The following KIAA1217 variants were observed in gnomAD, a reference collection of about 807,000 sequenced individuals.
The protein encoded by KIAA1217 is KIAA1217.
Under a neutral mutation model 163.9 loss-of-function variants are expected in KIAA1217, and 88 were observed. The ratio of observed to expected loss-of-function variants is 0.54; its 90% confidence interval spans 0.45 to 0.64. The LOEUF is 0.64. Ranked by LOEUF, KIAA1217 falls within the 30% of genes least tolerant of loss-of-function variation. KIAA1217 has a pLI of 0.00. For synonymous variants in KIAA1217, 903 were observed against 923.1 expected (o/e 0.98, Z 0.39); for missense variants, 2,372 against 2,475.0 (o/e 0.96, Z 0.88).
At chr10:24,194,843 A>G (rs1169913885) in intron 2 of KIAA1217, among the ~76,000 whole-genome samples, 1 of 150,244 alleles carries the variant, frequency 6.7e-6, no homozygotes, top group Non-Finnish European at 1.5e-5. Context: ...CCTGACCTCA[A>G]GTGATCCTCC....
Position 24,042,661 on chromosome 10 carries a change from CAAT to C in KIAA1217, c.-171+35291_-171+35293del, listed in dbSNP as rs1320841674. On this transcript the variant is annotated intron_variant, in intron 2 of 18. Transcript: ENST00000376462. The stretch of plus-strand genomic sequence containing the variant: ...CCTGGAGTGTGTTGCTAAAAATAAC[CAAT>C]AATTATTAGGAAGATGGAGGTGATA... Among the ~76,000 whole-genome samples the C allele has an allele frequency of 9.9e-5, 15 of 152,144 alleles. No homozygotes were observed. In the South Asian group the frequency reaches 2.9e-3, roughly 29 times the overall value.
At chr10:24,225,017 G>A (rs999885767) in intron 2 of KIAA1217, among the ~76,000 whole-genome samples, 6 of 151,890 alleles carry the variant, frequency 4.0e-5, no homozygotes, top group Non-Finnish European at 5.9e-5. Flanking sequence ...TAGTAGAGAC[G>A]GGGTTCACTG....
chr10:23,882,855 A>C (rs1841009973), intron 1 of KIAA1217, among the ~76,000 whole-genome samples: 1 of 151,970 alleles, frequency 6.6e-6, no homozygotes, highest in Non-Finnish European at 1.5e-5. Context: ...GGGTTAAAAA[A>C]TGGAAAATGT....
intron 2 of KIAA1217, among the ~76,000 whole-genome samples, chr10:24,261,690 G>C (rs1236906866): frequency 6.6e-6 from 1 of 151,956 alleles, no homozygotes; most frequent in African/African-American, 2.4e-5. Flanking sequence ...TCCTCTTGTC[G>C]GGGAAAAAAG....
At chr10:23,829,573 G>A (rs903634956) in intron 1 of KIAA1217, among the ~76,000 whole-genome samples, 1 of 152,058 alleles carries the variant, frequency 6.6e-6, no homozygotes, top group African/African-American at 2.4e-5. Context: ...ATAATTTTTT[G>A]CATGACTCAC....
intron 1 of KIAA1217, among the ~76,000 whole-genome samples, chr10:23,822,706 A>G (rs1256372270): frequency 6.6e-6 from 1 of 152,186 alleles, no homozygotes; most frequent in Admixed American, 6.5e-5. Context: ...GCTTAAAGAA[A>G]CAAAATGCTT....
At chr10:24,333,347 A>G (rs1019539848) in intron 2 of KIAA1217, among the ~76,000 whole-genome samples, 1 of 152,122 alleles carries the variant, frequency 6.6e-6, no homozygotes, top group African/African-American at 2.4e-5. Context: ...GGTAAGGATT[A>G]TGATGATGAA....
intron 1 of KIAA1217, among the ~76,000 whole-genome samples, chr10:23,939,068 A>T (rs1843651038): frequency 6.6e-6 from 1 of 152,230 alleles, no homozygotes; most frequent in Non-Finnish European, 1.5e-5. Flanking sequence ...AGGTTGTGCT[A>T]AGTTAAATAC....
chr10:24,334,369 G>A (rs1043740945), intron 2 of KIAA1217, among the ~76,000 whole-genome samples: 1 of 150,868 alleles, frequency 6.6e-6, no homozygotes, highest in African/African-American at 2.4e-5. Context: ...GTGAGACCCT[G>A]TGTCTTAGAA....
intron 1 of KIAA1217, among the ~76,000 whole-genome samples, chr10:23,945,317 C>A (rs1158744925): frequency 6.6e-6 from 1 of 152,094 alleles, no homozygotes; most frequent in Admixed American, 6.6e-5. Flanking sequence ...AATATTGATA[C>A]CTGCAACCAC....
At chr10:23,907,886 GA>G (rs1294948356) in intron 1 of KIAA1217, among the ~76,000 whole-genome samples, 1 of 151,172 alleles carries the variant, frequency 6.6e-6, no homozygotes, top group African/African-American at 2.4e-5. Context: ...CAATGAACAA[GA>G]AAAAACTCTC....
chr10:23,794,981 G>C (rs1272744776), intron 1 of KIAA1217, among the ~76,000 whole-genome samples: 1 of 152,172 alleles, frequency 6.6e-6, no homozygotes, highest in African/African-American at 2.4e-5. Flanking sequence ...CTTTGTAGGA[G>C]AGCTGGGAAG....
At chr10:24,062,935 C>T (rs963778781) in intron 2 of KIAA1217, among the ~76,000 whole-genome samples, 3 of 151,556 alleles carry the variant, frequency 2.0e-5, no homozygotes, top group Admixed American at 6.6e-5. Flanking sequence ...GCATAAATAT[C>T]TTCTTTTGAG....
chr10:24,544,279 A>C lies in KIAA1217; in HGVS notation c.5009A>C (p.Glu1670Ala). ...KNTYRTLDSL[E>A]QTIKQLENTI... ...ACCTACAGAACATTGGATAGCCTGG[A>C]GCAGACCATTAAACAGCTCGAAAAT... Residue 1670 changes from glutamate to alanine, a missense_variant, in exon 19 of 21, where the codon GAG (glutamate) becomes GCG (alanine). Around this residue, in one of 3 missense-constraint regions of KIAA1217, gnomAD observed 690 missense variants for 677.5 expected, o/e 1.02. Transcript: ENST00000376454. The C allele has an allele frequency of 1.2e-6, 2 of 1,614,172 alleles. No homozygotes were observed. The highest frequency in any genetic ancestry group is 8.5e-7 in the Non-Finnish European group (1 of 1,180,050).
intron 3 of KIAA1217, among the ~76,000 whole-genome samples, chr10:24,407,454 C>T (rs1257757773): frequency 6.6e-6 from 1 of 152,068 alleles, no homozygotes; most frequent in African/African-American, 2.4e-5. Flanking sequence ...CCATCAAGCT[C>T]AACTGATTTT....
In KIAA1217 at chr10:24,085,015, G is replaced by A. The variant is rs540232906; in HGVS notation, c.-171+77641G>A. ...TGCAAGCTCTGCCTCCCGGGTTCAC[G>A]CCATTCTCCTGCCTCAGCCTCCAGA... On this transcript the variant is annotated intron_variant, in intron 2 of 18. Transcript: ENST00000376462. 3.5e-3 allele frequency among the ~76,000 whole-genome samples: 524 copies of A among 148,428 alleles called. 5 individuals are homozygous for A. Among genetic ancestry groups the A allele is most frequent in the African/African-American group, 0.013 (507 of 40,094 alleles).
intron 2 of KIAA1217, among the ~76,000 whole-genome samples, chr10:24,358,998 A>T (rs2134174970): frequency 6.6e-6 from 1 of 152,178 alleles, no homozygotes; most frequent in East Asian, 1.9e-4. Flanking sequence ...GAATGAGATC[A>T]CAGTCGTCCT....
chr10:24,441,558 A>T (rs1380989241), intron 5 of KIAA1217, among the ~76,000 whole-genome samples: 1 of 152,070 alleles, frequency 6.6e-6, no homozygotes, highest in African/African-American at 2.4e-5. Flanking sequence ...GGTGGGGAAA[A>T]CGTGTACTAA....
At chr10:24,197,841 C>T (rs1187768820) in intron 2 of KIAA1217, among the ~76,000 whole-genome samples, 1 of 152,230 alleles carries the variant, frequency 6.6e-6, no homozygotes, top group Admixed American at 6.5e-5. Context: ...TTCATGACTC[C>T]ATGGTGCTTG....
Sources: gnomAD v4.1 joint callset for allele counts (sites outside exome capture counted in the v4.1 genomes callset) on GRCh38, gnomAD v4.1.1 for gene constraint, gnomAD v4.1.1 regional missense constraint, MANE v1.5 for transcripts, NCBI Gene and HGNC (gene_info 2026-07-23, HGNC 2026-07-21) for gene names.